The following CADM2 variants were observed in gnomAD, a reference collection of about 807,000 sequenced individuals.
CADM2 encodes immunoglobulin superfamily member 4D.
In CADM2, 12 loss-of-function variants were observed where a neutral mutation model predicts 49.8. That is an observed-to-expected ratio of 0.24 (90% confidence interval 0.15 to 0.39). The LOEUF (loss-of-function observed/expected upper bound fraction) is 0.39, where lower values mean the gene tolerates loss of function less well. Among genes scored for constraint, CADM2 ranks in the 10% least tolerant of loss-of-function variants. The pLI is 1.00. For synonymous variants in CADM2, 214 were observed against 175.4 expected, an observed-to-expected ratio of 1.22 and a Z score of -1.74; for missense variants, 378 against 492.3, an observed-to-expected ratio of 0.77 and a Z score of 2.20.
intron 1 of CADM2, among the ~76,000 whole-genome samples, chr3:85,135,844 A>T (rs1490915664): frequency 1.3e-5 from 2 of 152,034 alleles, no homozygotes; most frequent in Non-Finnish European, 2.9e-5. Context: ...CGTAGTATTG[A>T]ATTTAGCTCT....
At chr3:85,371,447 G>T (rs2033217024) in intron 1 of CADM2, among the ~76,000 whole-genome samples, 1 of 151,870 alleles carries the variant, frequency 6.6e-6, no homozygotes, top group Non-Finnish European at 1.5e-5. Context: ...TTCTGTACAT[G>T]TTTGTACCCT....
At chr3:85,884,780 A>C (rs1328215678) in intron 4 of CADM2, among the ~76,000 whole-genome samples, 2 of 145,946 alleles carry the variant, frequency 1.4e-5, no homozygotes, top group African/African-American at 5.1e-5. Context: ...GCTGGAGTGC[A>C]GTGGCGCCAT....
At chr3:85,117,887 G>A (rs1189620066) in intron 1 of CADM2, among the ~76,000 whole-genome samples, 1 of 152,058 alleles carries the variant, frequency 6.6e-6, no homozygotes, top group East Asian at 1.9e-4. Flanking sequence ...TTTCTGAAAT[G>A]ATAGTTGATT....
intron 1 of CADM2, among the ~76,000 whole-genome samples, chr3:85,353,326 G>C (rs1469702407): frequency 3.3e-5 from 5 of 151,986 alleles, no homozygotes; most frequent in Non-Finnish European, 7.4e-5. Flanking sequence ...CAATTGCAAT[G>C]TAAGAAATTC....
chr3:85,429,638 G>A (rs1461635292), intron 1 of CADM2, among the ~76,000 whole-genome samples: 1 of 151,968 alleles, frequency 6.6e-6, no homozygotes, highest in Non-Finnish European at 1.5e-5. Context: ...TGGCCAATGT[G>A]TACCAAACAC....
At chr3:85,126,023 CA>C (rs1273688298) in intron 1 of CADM2, among the ~76,000 whole-genome samples, 1 of 151,814 alleles carries the variant, frequency 6.6e-6, no homozygotes, top group Admixed American at 6.6e-5. Flanking sequence ...TAGTTTATAC[CA>C]GACTATGATA....
chr3:85,107,887 G>T (rs2038306254), intron 1 of CADM2, among the ~76,000 whole-genome samples: 1 of 151,570 alleles, frequency 6.6e-6, no homozygotes, highest in Non-Finnish European at 1.5e-5. Flanking sequence ...TTTTAGTATA[G>T]ATAGGGTTTT....
intron 1 of CADM2, among the ~76,000 whole-genome samples, chr3:85,715,906 T>A (rs1480858285): frequency 6.6e-6 from 1 of 152,232 alleles, no homozygotes; most frequent in Non-Finnish European, 1.5e-5. Flanking sequence ...AGTCTAACAT[T>A]CATGGGCATT....
At chr3:85,272,129 G>A (rs2043256826) in intron 1 of CADM2, among the ~76,000 whole-genome samples, 1 of 151,134 alleles carries the variant, frequency 6.6e-6, no homozygotes, top group Non-Finnish European at 1.5e-5. Context: ...CAAGGTCACA[G>A]GGCAAGAAAA....
intron 7 of CADM2, among the ~76,000 whole-genome samples, chr3:85,944,378 A>G (rs1722368167): frequency 6.6e-6 from 1 of 152,082 alleles, no homozygotes; most frequent in Non-Finnish European, 1.5e-5. Context: ...CAGAAAGTTA[A>G]CAGGGATATC....
chr3:85,424,097 A>G (rs774470727), intron 1 of CADM2, among the ~76,000 whole-genome samples: 10 of 152,172 alleles, frequency 6.6e-5, no homozygotes, highest in Non-Finnish European at 1.5e-5. Context: ...AATATTGCCA[A>G]TAAACTAACA....
intron 3 of CADM2, among the ~76,000 whole-genome samples, chr3:85,828,514 T>C (rs1239715511): frequency 6.6e-6 from 1 of 151,900 alleles, no homozygotes; most frequent in Non-Finnish European, 1.5e-5. Context: ...GCCTCCCAAA[T>C]CTACCACAGT....
At chr3:85,984,404 A>G (rs1559782816) in intron 8 of CADM2, among the ~76,000 whole-genome samples, 1 of 151,598 alleles carries the variant, frequency 6.6e-6, no homozygotes, top group Non-Finnish European at 1.5e-5. Flanking sequence ...ATAATCTAGT[A>G]ATCTTTAGTA....
chr3:85,276,887 G>A (rs1480617010), intron 1 of CADM2, among the ~76,000 whole-genome samples: 2 of 151,380 alleles, frequency 1.3e-5, no homozygotes, highest in African/African-American at 2.4e-5. Context: ...GGAAAGGCAA[G>A]TTAAGGAAAT....
intron 1 of CADM2, among the ~76,000 whole-genome samples, chr3:85,378,189 C>A (rs77062358): frequency 2.3e-3 from 354 of 152,102 alleles, no homozygotes; most frequent in African/African-American, 7.4e-3. Context: ...AAAACAAAAT[C>A]TGTGCTTTTT....
At chr3:85,507,425 G>A (rs2040407893) in intron 1 of CADM2, among the ~76,000 whole-genome samples, 1 of 151,910 alleles carries the variant, frequency 6.6e-6, no homozygotes, top group African/African-American at 2.4e-5. Flanking sequence ...CTGATCCCAA[G>A]TGATCCGCCT....
At chr3:86,040,653 ACT>A (rs1218162821) in intron 8 of CADM2, among the ~76,000 whole-genome samples, 1 of 152,160 alleles carries the variant, frequency 6.6e-6, no homozygotes, top group Non-Finnish European at 1.5e-5. Flanking sequence ...GTTGGAAAAC[ACT>A]CTGCAGGATA....
chr3:85,263,068 C>T (rs751636357), intron 1 of CADM2, among the ~76,000 whole-genome samples: 1 of 152,062 alleles, frequency 6.6e-6, no homozygotes, highest in Non-Finnish European at 1.5e-5. Flanking sequence ...TCTCAGGTCA[C>T]TGCAACCTCT....
At chr3:85,488,310 G>A (rs987338979) in intron 1 of CADM2, among the ~76,000 whole-genome samples, 7 of 152,084 alleles carry the variant, frequency 4.6e-5, no homozygotes, top group Admixed American at 2.0e-4. Flanking sequence ...TATTTGGCAA[G>A]ACAGAGATAA....
Sources: allele counts gnomAD v4.1 joint callset (sites outside exome capture counted in the v4.1 genomes callset), GRCh38; gene constraint gnomAD v4.1.1; transcripts MANE v1.5; gene names NCBI Gene and HGNC (gene_info 2026-07-23, HGNC 2026-07-21).